CSMD3: variants seen among roughly 807,000 people sequenced by gnomAD.
The protein encoded by CSMD3 is CUB and sushi domain-containing protein 3.
In CSMD3, 177 loss-of-function variants were observed where a neutral mutation model predicts 435.2. The ratio of observed to expected loss-of-function variants is 0.41; its 90% CI spans 0.36 to 0.46. CSMD3 has a LOEUF of 0.46. Among genes scored for constraint, CSMD3 ranks in the 20% least tolerant of loss-of-function variants. The pLI, the probability that CSMD3 is intolerant of heterozygous loss-of-function variation, is 0.34. For synonymous variants in CSMD3, 1,656 were observed against 1,520.5 expected, an observed-to-expected ratio of 1.09 and a Z score of -2.07; for missense variants, 4,265 against 4,504.6, an observed-to-expected ratio of 0.95 and a Z score of 1.52.
intron 13 of CSMD3, among the ~76,000 whole-genome samples, chr8:112,737,431 TTGACATTTTAAAGTGA>T (rs2077210303): frequency 1.3e-5 from 2 of 151,908 alleles, no homozygotes; most frequent in South Asian, 4.1e-4. Flanking sequence ...TTACAGGTGT[TTGACATTTTAAAGTGA>T]TTAGTACCTA....
intron 4 of CSMD3, among the ~76,000 whole-genome samples, chr8:113,116,328 G>A (rs572671335): frequency 6.6e-6 from 1 of 152,184 alleles, no homozygotes; most frequent in South Asian, 2.1e-4. Context: ...GGTTATATAA[G>A]GAGTTTATGC....
intron 22 of CSMD3, among the ~76,000 whole-genome samples, chr8:112,603,066 A>G (rs937507105): frequency 6.6e-6 from 1 of 152,118 alleles, no homozygotes; most frequent in Non-Finnish European, 1.5e-5. Context: ...TTAGTAGTAA[A>G]GGGCTTTTAC....
intron 27 of CSMD3, among the ~76,000 whole-genome samples, chr8:112,544,694 G>T (rs1826995285): frequency 1.3e-5 from 2 of 151,984 alleles, no homozygotes; most frequent in African/African-American, 4.8e-5. Flanking sequence ...TATCTTTTTG[G>T]TTTCGTTTCA....
chr8:112,294,602 T>C (rs1217645773), intron 54 of CSMD3, among the ~76,000 whole-genome samples: 2 of 152,062 alleles, frequency 1.3e-5, no homozygotes, highest in African/African-American at 4.8e-5. Flanking sequence ...AATATAGCAG[T>C]CATAATAAGT....
chr8:113,377,521 T>C (rs1281862112), intron 1 of CSMD3, among the ~76,000 whole-genome samples: 1 of 152,220 alleles, frequency 6.6e-6, no homozygotes, highest in Non-Finnish European at 1.5e-5. Flanking sequence ...GTGCCAGCTA[T>C]CTGAAAGCTG....
At chr8:112,938,708 G>A (rs910016695) in intron 9 of CSMD3, among the ~76,000 whole-genome samples, 1 of 152,050 alleles carries the variant, frequency 6.6e-6, no homozygotes, top group Admixed American at 6.6e-5. Context: ...TTCGGTAAGA[G>A]GCAAGTGTGG....
chr8:112,359,105 T>C (rs147650550), intron 38 of CSMD3, among the ~76,000 whole-genome samples: 1 of 152,178 alleles, frequency 6.6e-6, no homozygotes, highest in South Asian at 2.1e-4. Context: ...CCATTGTTTA[T>C]TATTCATTTT....
At chr8:113,410,326 T>A (rs886380997) in intron 1 of CSMD3, among the ~76,000 whole-genome samples, 4 of 152,190 alleles carry the variant, frequency 2.6e-5, no homozygotes, top group African/African-American at 9.6e-5. Context: ...TCTCCTTAAT[T>A]CCTTGCTAAT....
intron 27 of CSMD3, among the ~76,000 whole-genome samples, chr8:112,520,831 T>C (rs1036339007): frequency 3.3e-5 from 5 of 152,092 alleles, no homozygotes; most frequent in African/African-American, 1.2e-4. Flanking sequence ...TCTCATCCCT[T>C]ATTTTGTTTT....
At chr8:112,631,983 TG>T (rs963594499) in intron 22 of CSMD3, among the ~76,000 whole-genome samples, 1 of 152,014 alleles carries the variant, frequency 6.6e-6, no homozygotes, top group African/African-American at 2.4e-5. Context: ...GCTGACTAAC[TG>T]GATAGATCAG....
At position 112,681,617 on chromosome 8, in the gene CSMD3, G is replaced by A. The variant is rs547804985; in HGVS notation, c.2677+825C>T. On this transcript the variant is annotated intron_variant, in intron 16 of 70. Coordinates refer to ENST00000297405, the MANE Select transcript of CSMD3 (RefSeq NM_198123.2). The stretch of plus-strand genomic sequence containing the variant: ...GCAGTGGCTCATGCCTGTAATCCCA[G>A]CACTTTGGGAGGCCGAGGCAGACAG... 4.6e-5 allele frequency among the ~76,000 whole-genome samples: 7 copies of A among 152,064 alleles called. No homozygotes were observed. In the East Asian group the frequency reaches 1.4e-3, roughly 30 times the overall value.
intron 11 of CSMD3, among the ~76,000 whole-genome samples, chr8:112,837,157 CG>C (rs945384202): frequency 2.0e-5 from 3 of 151,366 alleles, no homozygotes; most frequent in Admixed American, 1.3e-4. Context: ...ATAAATTCTT[CG>C]GGAAAAAAAT....
At chr8:112,513,373 A>G (rs532108355) in intron 28 of CSMD3, among the ~76,000 whole-genome samples, 5 of 152,278 alleles carry the variant, frequency 3.3e-5, no homozygotes, top group South Asian at 2.1e-4. Context: ...AATACTGTGT[A>G]TCAGAGAATA....
At chr8:112,714,232 A>C (rs2076673929) in intron 13 of CSMD3, among the ~76,000 whole-genome samples, 1 of 151,964 alleles carries the variant, frequency 6.6e-6, no homozygotes, top group Non-Finnish European at 1.5e-5. Context: ...AGAAAAATTT[A>C]CCAAGCAAAT....
At chr8:112,723,047 A>C (rs2076893363) in intron 13 of CSMD3, among the ~76,000 whole-genome samples, 1 of 152,132 alleles carries the variant, frequency 6.6e-6, no homozygotes, top group Non-Finnish European at 1.5e-5. Context: ...GCAAAAAAAA[A>C]AAAACCTGTT....
At chr8:112,723,981 A>G (rs1366209884) in intron 13 of CSMD3, among the ~76,000 whole-genome samples, 2 of 152,076 alleles carry the variant, frequency 1.3e-5, no homozygotes, top group African/African-American at 4.8e-5. Context: ...CCTTGGAAAA[A>G]AAAAATACCT....
intron 38 of CSMD3, among the ~76,000 whole-genome samples, chr8:112,370,139 A>G (rs766641218): frequency 4.6e-5 from 7 of 152,124 alleles, no homozygotes; most frequent in Non-Finnish European, 8.8e-5. Flanking sequence ...TAGCCAAGGC[A>G]TAGCCCATAG....
At chr8:112,479,767 T>C (rs943452539) in intron 31 of CSMD3, among the ~76,000 whole-genome samples, 1 of 152,194 alleles carries the variant, frequency 6.6e-6, no homozygotes, top group Non-Finnish European at 1.5e-5. Flanking sequence ...TCAGAGAATG[T>C]ATAGAAAATC....
chr8:112,285,140 C>T (rs1721986553), intron 58 of CSMD3, among the ~76,000 whole-genome samples: 1 of 151,970 alleles, frequency 6.6e-6, no homozygotes, highest in African/African-American at 2.4e-5. Flanking sequence ...TAATAGTTCT[C>T]CTTTTATCCA....
Sources: gnomAD v4.1 joint callset for allele counts (sites outside exome capture counted in the v4.1 genomes callset) on GRCh38, gnomAD v4.1.1 for gene constraint, MANE v1.5 for transcripts, NCBI Gene and HGNC (gene_info 2026-07-23, HGNC 2026-07-21) for gene names.